Variants in SEZ6L observed in about 807,000 individuals in gnomAD.
The protein encoded by SEZ6L is seizure 6-like protein.
SEZ6L carries 37 observed loss-of-function variants against 106.2 expected under a neutral mutation model. The observed-to-expected ratio is 0.35, with a 90% CI of 0.27 to 0.46. The LOEUF (loss-of-function observed/expected upper bound fraction) is 0.46, where lower values mean the gene tolerates loss of function less well. Among genes scored for constraint, SEZ6L ranks in the 20% least tolerant of loss-of-function variants. The probability of loss-of-function intolerance (pLI) is 1.00; values close to 1 mark genes in which losing one functional copy is unlikely to be tolerated. For missense variants in SEZ6L, 1,172 were observed against 1,332.8 expected, an observed-to-expected ratio of 0.88 and a Z score of 1.88; for synonymous variants, 541 against 570.4, an observed-to-expected ratio of 0.95 and a Z score of 0.73.
chr22:26,251,654 C>T (rs2079592384), intron 1 of SEZ6L, among the ~76,000 whole-genome samples: 1 of 152,148 alleles, frequency 6.6e-6, no homozygotes, highest in Non-Finnish European at 1.5e-5. Context: ...GGGATCCTTG[C>T]TAAGGCAGCA....
chr22:26,197,874 T>A (rs1267531596), intron 1 of SEZ6L, among the ~76,000 whole-genome samples: 1 of 152,104 alleles, frequency 6.6e-6, no homozygotes, highest in Non-Finnish European at 1.5e-5. Flanking sequence ...CAATAAAGGA[T>A]GGATTTAGAG....
At chr22:26,221,111 G>A (rs1435605787) in intron 1 of SEZ6L, among the ~76,000 whole-genome samples, 1 of 152,136 alleles carries the variant, frequency 6.6e-6, no homozygotes, top group Middle Eastern at 3.2e-3. Context: ...AAGAGTCAGT[G>A]AATGTCGAAC....
At chr22:26,351,547 TGG>T (rs1491386970) in intron 12 of SEZ6L, 67 of 265,984 alleles carry the variant, frequency 2.5e-4, no homozygotes, top group African/African-American at 1.4e-3. Context: ...GTTTGTTTGT[TGG>T]TTGGTTGGTT....
intron 1 of SEZ6L, among the ~76,000 whole-genome samples, chr22:26,238,505 A>C (rs2079017864): frequency 6.6e-6 from 1 of 152,216 alleles, no homozygotes; most frequent in Non-Finnish European, 1.5e-5. Context: ...TCCCTTGCGG[A>C]TGTCAAATAG....
intron 11 of SEZ6L, among the ~76,000 whole-genome samples, chr22:26,349,428 T>C (rs779311269): frequency 1.1e-4 from 16 of 152,236 alleles, no homozygotes; most frequent in Non-Finnish European, 2.1e-4. Context: ...TCTTTGATGA[T>C]GTTACTCTTT....
At chr22:26,199,530 T>C (rs949938052) in intron 1 of SEZ6L, among the ~76,000 whole-genome samples, 1 of 152,200 alleles carries the variant, frequency 6.6e-6, no homozygotes, top group African/African-American at 2.4e-5. Context: ...GTTCAATTTG[T>C]CTACCTGATG....
intron 1 of SEZ6L, among the ~76,000 whole-genome samples, chr22:26,228,859 C>T (rs535998632): frequency 1.9e-4 from 29 of 152,316 alleles, no homozygotes; most frequent in African/African-American, 6.5e-4. Context: ...ACTGTGCTCG[C>T]CTCCTCAAGT....
chr22:26,312,941 G>A (rs2081885458), intron 8 of SEZ6L, among the ~76,000 whole-genome samples: 1 of 152,216 alleles, frequency 6.6e-6, no homozygotes, highest in Non-Finnish European at 1.5e-5. Context: ...AGTAATGAAA[G>A]GTGCCCTCAC....
At chr22:26,224,019 G>A (rs1320969077) in intron 1 of SEZ6L, among the ~76,000 whole-genome samples, 2 of 152,108 alleles carry the variant, frequency 1.3e-5, no homozygotes, top group Non-Finnish European at 2.9e-5. Flanking sequence ...AAGCATCAAG[G>A]GATCAATGGT....
rs1180879524 is a variant in SEZ6L at position 26,382,067 on chromosome 22, A to G, written c.*1772A>G. On this transcript the variant is annotated 3_prime_UTR_variant, in exon 17 of 17. Transcript: ENST00000248933. ...TCAATCTTGGGGGTCTAAGACCAGA[A>G]TATTTTCCTTCTGCCAGAAAAGAAT... 1 of 518,596 alleles carries G rather than the reference A, an allele frequency of 1.9e-6. No homozygotes were observed. Among genetic ancestry groups the G allele is most frequent in the Admixed American group, 1.9e-5 (1 of 51,534 alleles). The allele number at this position is 518,596 out of a possible 1,614,324, so 32.1% of individuals were successfully genotyped here. A position where few individuals can be genotyped will look rare whatever the true frequency, so the allele number is the denominator to read the frequency against.
chr22:26,334,320 G>A (rs956063831), intron 9 of SEZ6L, among the ~76,000 whole-genome samples: 2 of 152,150 alleles, frequency 1.3e-5, no homozygotes, highest in Middle Eastern at 3.4e-3. Flanking sequence ...CCACCCATCT[G>A]CCTTCTTTCT....
Position 26,316,484 on chromosome 22 carries a change from A to G in SEZ6L, c.2015+2582A>G, listed in dbSNP as rs141866255. ...TGAAATCAGGAGGGCTTCCAGGAGG[A>G]AGTAGCTTCTATAATAGCATGAAAG... On this transcript the variant is annotated intron_variant, in intron 9 of 16. Transcript: ENST00000248933. Among the ~76,000 whole-genome samples the G allele has an allele frequency of 7.9e-5, 12 of 152,264 alleles. 1 individual carries two copies. In the East Asian group the frequency reaches 2.3e-3, roughly 29 times the overall value.
At chr22:26,314,362 G>T (rs1360565212) in intron 9 of SEZ6L, among the ~76,000 whole-genome samples, 1 of 152,212 alleles carries the variant, frequency 6.6e-6, no homozygotes, top group Non-Finnish European at 1.5e-5. Context: ...AACAGAATGT[G>T]CAAAGGCCCT....
chr22:26,328,086 C>T (rs2082375094), intron 9 of SEZ6L, among the ~76,000 whole-genome samples: 1 of 152,186 alleles, frequency 6.6e-6, no homozygotes, highest in Non-Finnish European at 1.5e-5. Flanking sequence ...CAGAGGGAAG[C>T]ATGCAGTGGC....
chr22:26,298,224 A>T (rs77649895), intron 4 of SEZ6L, among the ~76,000 whole-genome samples: 5,756 of 152,302 alleles, frequency 0.038, 164 homozygotes, highest in Admixed American at 0.067. Context: ...ATGAACTTGA[A>T]TGTATTCCTC....
chr22:26,367,528 G>T (rs1330570410), intron 13 of SEZ6L, among the ~76,000 whole-genome samples: 17 of 151,850 alleles, frequency 1.1e-4, no homozygotes, highest in Admixed American at 1.1e-3. Flanking sequence ...TATTTTTGTA[G>T]AGATGGGGGT....
At chr22:26,262,202 T>A (rs949942059) in intron 1 of SEZ6L, among the ~76,000 whole-genome samples, 1 of 149,492 alleles carries the variant, frequency 6.7e-6, no homozygotes. Context: ...TATATTGATA[T>A]ATAAAAGATA....
chr22:26,177,405 A>G (rs995467932), intron 1 of SEZ6L, among the ~76,000 whole-genome samples: 6 of 152,268 alleles, frequency 3.9e-5, no homozygotes, highest in Non-Finnish European at 5.9e-5. Flanking sequence ...TAGGCCATTC[A>G]TCGGGTCCTC....
intron 1 of SEZ6L, among the ~76,000 whole-genome samples, chr22:26,285,564 T>G (rs1272462285): frequency 6.6e-6 from 1 of 152,190 alleles, no homozygotes; most frequent in Non-Finnish European, 1.5e-5. Flanking sequence ...GAATCATTTT[T>G]GGTTGTCACA....
Sources: allele counts gnomAD v4.1 joint callset (sites outside exome capture counted in the v4.1 genomes callset), GRCh38; gene constraint gnomAD v4.1.1; transcripts MANE v1.5; gene names NCBI Gene and HGNC (gene_info 2026-07-23, HGNC 2026-07-21).